Variants in KCNQ1OT1 observed in about 807,000 individuals in gnomAD.
The protein encoded by KCNQ1OT1 is KCNQ1 antisense RNA 2 (non-protein coding).
Position 2,611,924 on chromosome 11 carries a change from C to A in KCNQ1OT1, n.88071G>T. The A allele has an allele frequency of 2.5e-6, 1 of 398,564 alleles. No individual in the cohort carries two copies. Among genetic ancestry groups the A allele is most frequent in the South Asian group, 1.3e-4 (1 of 7,846 alleles). 24.7% of individuals were successfully genotyped at this position (398,564 alleles called of 1,614,324 possible). A position where few individuals can be genotyped will look rare whatever the true frequency, so the allele number is the denominator to read the frequency against. ...AATAAGCAGCTTAAGCAAAAACAAT[C>A]TGCTTCAGGTTAATAATCTACTCAA... On this transcript the variant is annotated non_coding_transcript_exon_variant, in exon 1 of 1. Coordinates refer to ENST00000597346, the Ensembl canonical transcript of KCNQ1OT1. This position sits in a 1 kb window ranked among gnomAD's most constrained non-coding sequence, Gnocchi z 5.3.
In KCNQ1OT1 at chr11:2,664,597, C is replaced by T. The variant is rs556783941; in HGVS notation, n.35398G>A. 2 of 398,698 alleles carry T rather than the reference C, an allele frequency of 5.0e-6. No homozygotes were observed. Among genetic ancestry groups the T allele is most frequent in the South Asian group, 2.5e-4 (2 of 7,858 alleles). The allele number at this position is 398,698 out of a possible 1,614,324, so 24.7% of individuals were successfully genotyped here. A position where few individuals can be genotyped will look rare whatever the true frequency, so the allele number is the denominator to read the frequency against. ...CCGCATTGGGGCTGCATTCCTCCACCTCCTGCACAGCCCGCCCAGTGATGC... is the reference window on the plus strand; with the variant it reads ...CCGCATTGGGGCTGCATTCCTCCACTTCCTGCACAGCCCGCCCAGTGATGC... On this transcript the variant is annotated non_coding_transcript_exon_variant, in exon 1 of 1. Transcript: ENST00000597346. This position sits in a 1 kb window ranked among gnomAD's most constrained non-coding sequence, Gnocchi z 5.1.
exon 1 of KCNQ1OT1, chr11:2,666,642 T>A: frequency 2.5e-6 from 1 of 398,688 alleles, no homozygotes; most frequent in Non-Finnish European, 4.4e-6. Flanking sequence ...TTTGGCTTCA[T>A]GGACCAAGGG....
Position 2,620,805 on chromosome 11 carries a change from C to T in KCNQ1OT1, n.79190G>A, listed in dbSNP as rs1849156707. The T allele has an allele frequency of 2.5e-6, 1 of 398,470 alleles. No individual in the cohort carries two copies. The highest frequency in any genetic ancestry group is 3.6e-5 in the East Asian group (1 of 28,086). 24.7% of individuals were successfully genotyped at this position (398,470 alleles called of 1,614,324 possible). ...TGGCTGAACTAATTTGTATTCCTGC[C>T]AACAGTGTATAAGCGTTCCCTTTTC... is the stretch of plus-strand genomic sequence containing the variant. On this transcript the variant is annotated non_coding_transcript_exon_variant, in exon 1 of 1. Coordinates refer to ENST00000597346, the Ensembl canonical transcript of KCNQ1OT1. The surrounding 1 kb of genome is among the most constrained non-coding windows in gnomAD (Gnocchi z 4.5).
At chr11:2,675,518 A>G in exon 1 of KCNQ1OT1, 1 of 398,686 alleles carries the variant, frequency 2.5e-6, no homozygotes, top group Non-Finnish European at 4.4e-6. Flanking sequence ...CATGCCATAC[A>G]CATTTCTTCC....
In KCNQ1OT1 at chr11:2,677,950, C is replaced by T. The variant is rs755454506; in HGVS notation, n.22045G>A. On this transcript the variant is annotated non_coding_transcript_exon_variant, in exon 1 of 1. Coordinates refer to ENST00000597346, the Ensembl canonical transcript of KCNQ1OT1. The surrounding 1 kb of genome is among the most constrained non-coding windows in gnomAD (Gnocchi z 4.5). ...TTCATTTCATAGATGAGAAATGGTACACTGGAGCTTTAATTTACATTTCTT... is the reference window on the plus strand; with the variant it reads ...TTCATTTCATAGATGAGAAATGGTATACTGGAGCTTTAATTTACATTTCTT... The T allele has an allele frequency of 1.1e-4, 42 of 398,412 alleles. No homozygotes were observed. The highest frequency in any genetic ancestry group is 1.8e-4 in the Non-Finnish European group (40 of 226,044). 24.7% of individuals were successfully genotyped at this position (398,412 alleles called of 1,614,324 possible). A position where few individuals can be genotyped will look rare whatever the true frequency, so the allele number is the denominator to read the frequency against.
At position 2,690,990 on chromosome 11, in the gene KCNQ1OT1, C is replaced by T; in HGVS notation, n.9005G>A. On this transcript the variant is annotated non_coding_transcript_exon_variant, in exon 1 of 1. Coordinates refer to ENST00000597346, the Ensembl canonical transcript of KCNQ1OT1. The surrounding 1 kb of genome is among the most constrained non-coding windows in gnomAD (Gnocchi z 5.1). ...TGTCAACAAAAGCCCACCAGACCAT[C>T]AATGAAGTGGGCAAAAGCTCTGGGT... 3 of 398,638 alleles carry T rather than the reference C, an allele frequency of 7.5e-6. No homozygotes were observed. Among genetic ancestry groups the T allele is most frequent in the Non-Finnish European group, 1.3e-5 (3 of 226,074 alleles). The allele number at this position is 398,638 out of a possible 1,614,324, so 24.7% of individuals were successfully genotyped here. A position where few individuals can be genotyped will look rare whatever the true frequency, so the allele number is the denominator to read the frequency against.
exon 1 of KCNQ1OT1, chr11:2,662,155 G>A (rs1849971036): frequency 8.7e-6 from 14 of 1,601,094 alleles, no homozygotes; most frequent in East Asian, 2.2e-5. Flanking sequence ...TGGTGCTGGG[G>A]AAGCCTTGCT....
rs1469987626 is a variant in KCNQ1OT1 at position 2,661,765 on chromosome 11, G to A, written n.38230C>T. On this transcript the variant is annotated non_coding_transcript_exon_variant, in exon 1 of 1. Transcript: ENST00000597346. This position sits in a 1 kb window ranked among gnomAD's most constrained non-coding sequence, Gnocchi z 5.9. The stretch of plus-strand genomic sequence containing the variant: ...CTGGCCTTTATTCTCCTCAGACACT[G>A]AGGTGTCAGGCACTTTGGGGCCATC... 3.1e-6 allele frequency: 2 copies of A among 651,038 alleles called. No individual in the cohort carries two copies. The highest frequency in any genetic ancestry group is 5.5e-6 in the Non-Finnish European group (2 of 363,212). The allele number at this position is 651,038 out of a possible 1,614,324, so 40.3% of individuals were successfully genotyped here.
chr11:2,646,961 A>G, exon 1 of KCNQ1OT1: 1 of 398,592 alleles, frequency 2.5e-6, no homozygotes, highest in East Asian at 3.6e-5. Flanking sequence ...TCTCTTTTCC[A>G]ATTTGGATAC....
Position 2,663,356 on chromosome 11 carries a change from G to A in KCNQ1OT1, n.36639C>T. ...GTGTGAGCAGGCTGGTAGCCAGATG[G>A]GCTGCCCAGGTACAGGTCAGCACCA... On this transcript the variant is annotated non_coding_transcript_exon_variant, in exon 1 of 1. Coordinates refer to ENST00000597346, the Ensembl canonical transcript of KCNQ1OT1. The surrounding 1 kb of genome is among the most constrained non-coding windows in gnomAD (Gnocchi z 5.2). 7.5e-6 allele frequency: 3 copies of A among 398,784 alleles called. No individual in the cohort carries two copies. The highest frequency in any genetic ancestry group is 1.3e-5 in the Non-Finnish European group (3 of 226,196). The allele number at this position is 398,784 out of a possible 1,614,324, so 24.7% of individuals were successfully genotyped here. A position where few individuals can be genotyped will look rare whatever the true frequency, so the allele number is the denominator to read the frequency against.
rs2133868914 is a variant in KCNQ1OT1, at chr11:2,671,563, T to C, written n.28432A>G. On this transcript the variant is annotated non_coding_transcript_exon_variant, in exon 1 of 1. Coordinates refer to ENST00000597346, the Ensembl canonical transcript of KCNQ1OT1. The surrounding 1 kb of genome is among the most constrained non-coding windows in gnomAD (Gnocchi z 4.7). Reference sequence around the variant, plus strand: ...CTCTGCCTGACTTATCTCCTAAGTCTTTGGCACTGAGCATTTATACAAGAT... The same window carrying C: ...CTCTGCCTGACTTATCTCCTAAGTCCTTGGCACTGAGCATTTATACAAGAT... 5.0e-6 allele frequency: 2 copies of C among 398,640 alleles called. No homozygotes were observed. The highest frequency in any genetic ancestry group is 6.3e-4 in the Middle Eastern group (1 of 1,588). 24.7% of individuals were successfully genotyped at this position (398,640 alleles called of 1,614,324 possible). A position where few individuals can be genotyped will look rare whatever the true frequency, so the allele number is the denominator to read the frequency against.
rs946091249 is a variant in KCNQ1OT1 at position 2,693,527 on chromosome 11, C to T, written n.6468G>A. On this transcript the variant is annotated non_coding_transcript_exon_variant, in exon 1 of 1. Transcript: ENST00000597346. ...ATCCATTTCTTCTCCTGGCTGAGGC[C>T]CGGGCTGCTAGGGAGGTTGAGCCCA... The T allele has an allele frequency of 2.5e-5, 10 of 398,670 alleles. No individual in the cohort carries two copies. In the East Asian group the frequency reaches 3.6e-4, roughly 14 times the overall value. The allele number at this position is 398,670 out of a possible 1,614,324, so 24.7% of individuals were successfully genotyped here.
chr11:2,679,781 T>G lies in KCNQ1OT1; in HGVS notation n.20214A>C, dbSNP rs1850357555. 1 of 398,512 alleles carries G rather than the reference T, an allele frequency of 2.5e-6. No individual in the cohort carries two copies. Among genetic ancestry groups the G allele is most frequent in the African/African-American group, 2.1e-5 (1 of 48,630 alleles). The allele number at this position is 398,512 out of a possible 1,614,324, so 24.7% of individuals were successfully genotyped here. On this transcript the variant is annotated non_coding_transcript_exon_variant, in exon 1 of 1. Coordinates refer to ENST00000597346, the Ensembl canonical transcript of KCNQ1OT1. This position sits in a 1 kb window ranked among gnomAD's most constrained non-coding sequence, Gnocchi z 4.8. ...GTCCCTGCTGCACACTAGGGCCTGT[T>G]AGGCCAGTTGAGGGCTAGAGGAGCA...
At chr11:2,644,326 G>C (rs1456038351) in exon 1 of KCNQ1OT1, 2 of 398,070 alleles carry the variant, frequency 5.0e-6, no homozygotes, top group African/African-American at 2.1e-5. Flanking sequence ...TATCTTCAAG[G>C]TGTGAAATTC....
rs1333546851 is a variant in KCNQ1OT1, at chr11:2,670,729, C to CT, written n.29265dup. 4.8e-5 allele frequency: 19 copies of CT among 398,452 alleles called. No homozygotes were observed. The allele number at this position is 398,452 out of a possible 1,614,324, so 24.7% of individuals were successfully genotyped here. A position where few individuals can be genotyped will look rare whatever the true frequency, so the allele number is the denominator to read the frequency against. ...GGCCCATGGAGCAGGAGGGAACAGT[C>CT]TGCAGATATTATCTGGGCACTGGCC... On this transcript the variant is annotated non_coding_transcript_exon_variant, in exon 1 of 1. Transcript: ENST00000597346. The surrounding 1 kb of genome is among the most constrained non-coding windows in gnomAD (Gnocchi z 4.9).
rs1849691371 is a variant in KCNQ1OT1, at chr11:2,647,937, G to T, written n.52058C>A. The stretch of plus-strand genomic sequence containing the variant: ...TTTCAAAAAATCAGTTTTTTGGCTG[G>T]GTTTGTTGGCTCACACCTGTAAACC... On this transcript the variant is annotated non_coding_transcript_exon_variant, in exon 1 of 1. Coordinates refer to ENST00000597346, the Ensembl canonical transcript of KCNQ1OT1. This position sits in a 1 kb window ranked among gnomAD's most constrained non-coding sequence, Gnocchi z 4.0. The T allele has an allele frequency of 1.3e-5, 5 of 398,238 alleles. No homozygotes were observed. Among genetic ancestry groups the T allele is most frequent in the Non-Finnish European group, 2.2e-5 (5 of 226,010 alleles). The allele number at this position is 398,238 out of a possible 1,614,324, so 24.7% of individuals were successfully genotyped here. A position where few individuals can be genotyped will look rare whatever the true frequency, so the allele number is the denominator to read the frequency against.
chr11:2,676,624 G>C lies in KCNQ1OT1; in HGVS notation n.23371C>G. 2.5e-6 allele frequency: 1 copy of C among 398,644 alleles called. No homozygotes were observed. The highest frequency in any genetic ancestry group is 1.3e-4 in the South Asian group (1 of 7,858). The allele number at this position is 398,644 out of a possible 1,614,324, so 24.7% of individuals were successfully genotyped here. A position where few individuals can be genotyped will look rare whatever the true frequency, so the allele number is the denominator to read the frequency against. On this transcript the variant is annotated non_coding_transcript_exon_variant, in exon 1 of 1. Transcript: ENST00000597346. This position sits in a 1 kb window ranked among gnomAD's most constrained non-coding sequence, Gnocchi z 4.2. ...CAAAGAGGCCTCTAAGAAATGGGTA[G>C]CTTCACAGATTCACAGATAGATAGT...
chr11:2,636,631 T>C (rs1849470938), exon 1 of KCNQ1OT1: 1 of 152,084 alleles, frequency 6.6e-6, no homozygotes, highest in Non-Finnish European at 1.5e-5. Flanking sequence ...ATCAGGGATA[T>C]TGGTCTAAAA....
exon 1 of KCNQ1OT1, chr11:2,697,444 G>T (rs532151517): frequency 2.5e-6 from 1 of 398,520 alleles, no homozygotes; most frequent in African/African-American, 2.1e-5. Flanking sequence ...ATCTTAAAGA[G>T]AATGATACAC....
Sources: gnomAD v4.1 joint callset for allele counts on GRCh38, gnomAD v4.1.1 for gene constraint, Gnocchi (gnomAD v3.1) non-coding constraint, MANE v1.5 for transcripts, NCBI Gene and HGNC (gene_info 2026-07-23, HGNC 2026-07-21) for gene names.